The following ZFHX3 variants were observed in gnomAD, a reference collection of about 807,000 sequenced individuals.
The protein encoded by ZFHX3 is zinc finger homeobox protein 3.
Under a neutral mutation model 279.1 loss-of-function variants are expected in ZFHX3, and 42 were observed. The ratio of observed to expected loss-of-function variants is 0.15; its 90% confidence interval spans 0.12 to 0.19. The LOEUF (loss-of-function observed/expected upper bound fraction) is 0.19. Among genes scored for constraint, ZFHX3 ranks in the 10% least tolerant of loss-of-function variants. The pLI is 1.00. For synonymous variants in ZFHX3, 2,293 were observed against 1,957.8 expected (o/e 1.17, Z -4.52); for missense variants, 4,981 against 4,754.0 (o/e 1.05, Z -1.40).
intron 3 of ZFHX3, among the ~76,000 whole-genome samples, chr16:72,926,776 G>A (rs746981098): frequency 1.1e-4 from 16 of 152,176 alleles, no homozygotes; most frequent in Admixed American, 4.6e-4. Flanking sequence ...CCTACACAAA[G>A]CAGAGACCAA....
intron 5 of ZFHX3, among the ~76,000 whole-genome samples, chr16:73,184,431 G>A (rs888410397): frequency 1.3e-5 from 2 of 152,224 alleles, no homozygotes; most frequent in South Asian, 2.1e-4. Flanking sequence ...AGGTGAGGAT[G>A]AGCCAGTAAA....
chr16:73,821,179 C>G (rs771083934), intron 1 of ZFHX3, among the ~76,000 whole-genome samples: 28 of 152,154 alleles, frequency 1.8e-4, no homozygotes, highest in Non-Finnish European at 4.0e-4. Flanking sequence ...AGAGATAAAT[C>G]TGTAAAATGT....
chr16:73,529,592 G>T (rs909684469), intron 2 of ZFHX3, among the ~76,000 whole-genome samples: 1 of 152,166 alleles, frequency 6.6e-6, no homozygotes, highest in Non-Finnish European at 1.5e-5. Flanking sequence ...CTACTCTCTG[G>T]CCAGTGCCCC....
intron 3 of ZFHX3, among the ~76,000 whole-genome samples, chr16:73,396,469 C>G (rs2017131986): frequency 6.6e-6 from 1 of 151,968 alleles, no homozygotes; most frequent in Non-Finnish European, 1.5e-5. Flanking sequence ...GTGTGTTAGT[C>G]TGTTTTCACA....
chr16:73,615,711 G>A (rs1021541747), intron 2 of ZFHX3, among the ~76,000 whole-genome samples: 2 of 152,182 alleles, frequency 1.3e-5, no homozygotes, highest in African/African-American at 4.8e-5. Flanking sequence ...TATATTTGCA[G>A]AGACGTAATT....
chr16:73,716,708 C>T (rs560125354), intron 1 of ZFHX3, among the ~76,000 whole-genome samples: 74 of 152,100 alleles, frequency 4.9e-4, no homozygotes, highest in Admixed American at 1.0e-3. Context: ...CCGGTCCGAG[C>T]GTGCAGGGCC....
intron 2 of ZFHX3, among the ~76,000 whole-genome samples, chr16:73,540,016 G>A (rs2019983289): frequency 6.6e-6 from 1 of 152,320 alleles, no homozygotes; most frequent in South Asian, 2.1e-4. Flanking sequence ...TTCCAAATAT[G>A]ATCGCTGTTA....
intron 8 of ZFHX3, among the ~76,000 whole-genome samples, chr16:73,077,910 T>C (rs956944996): frequency 5.3e-5 from 8 of 152,226 alleles, no homozygotes; most frequent in Admixed American, 2.6e-4. Context: ...GTTCAAGTGA[T>C]TCTCCTGCCT....
intron 4 of ZFHX3, among the ~76,000 whole-genome samples, chr16:72,851,555 T>C (rs1243873049): frequency 6.6e-6 from 1 of 151,892 alleles, no homozygotes; most frequent in Non-Finnish European, 1.5e-5. Flanking sequence ...TTGATTCCAA[T>C]TTCACTTTTT....
chr16:73,678,294 C>T (rs1417074817), intron 2 of ZFHX3, among the ~76,000 whole-genome samples: 1 of 152,050 alleles, frequency 6.6e-6, no homozygotes, highest in Non-Finnish European at 1.5e-5. Flanking sequence ...GATGTTCAAG[C>T]CCTATTGGTT....
intron 7 of ZFHX3, among the ~76,000 whole-genome samples, chr16:73,101,098 T>G (rs1329660380): frequency 6.6e-6 from 1 of 151,954 alleles, no homozygotes; most frequent in African/African-American, 2.4e-5. Context: ...CAGCTCTGAG[T>G]CCCGCTTGCC....
At chr16:73,422,197 ATTTT>A (rs34462342) in intron 3 of ZFHX3, among the ~76,000 whole-genome samples, 2 of 144,574 alleles carry the variant, frequency 1.4e-5, no homozygotes, top group African/African-American at 5.1e-5. Flanking sequence ...TTTTCAGAAG[ATTTT>A]TTTTTTTTTT....
intron 4 of ZFHX3, among the ~76,000 whole-genome samples, chr16:72,867,865 A>G (rs904735842): frequency 3.9e-5 from 6 of 152,328 alleles, no homozygotes; most frequent in East Asian, 1.9e-4. Context: ...GTTCTCACCA[A>G]TCACTGAAAA....
At chr16:72,990,589 AC>A (rs1308606144) in intron 1 of ZFHX3, among the ~76,000 whole-genome samples, 1 of 152,184 alleles carries the variant, frequency 6.6e-6, no homozygotes, top group Non-Finnish European at 1.5e-5. Context: ...GGAGCTGAGC[AC>A]CCTCTTCTTT....
At chr16:72,980,001 G>C (rs1460609296) in intron 1 of ZFHX3, among the ~76,000 whole-genome samples, 1 of 152,188 alleles carries the variant, frequency 6.6e-6, no homozygotes, top group Non-Finnish European at 1.5e-5. Context: ...GATAAGACTA[G>C]GTGCAAGTAG....
intron 4 of ZFHX3, among the ~76,000 whole-genome samples, chr16:72,872,919 G>C (rs1791749095): frequency 6.6e-6 from 1 of 152,184 alleles, no homozygotes; most frequent in African/African-American, 2.4e-5. Flanking sequence ...AGGCAGAATG[G>C]CCTGCTCATT....
At chr16:73,730,352 CA>C (rs66477968) in intron 1 of ZFHX3, among the ~76,000 whole-genome samples, 40,067 of 81,224 alleles carry the variant, frequency 0.49, 7,398 homozygotes, top group Middle Eastern at 0.55. Context: ...CCTCCCCTCG[CA>C]AAAAAAAAAA....
intron 3 of ZFHX3, among the ~76,000 whole-genome samples, chr16:73,354,457 C>T (rs1597298123): frequency 6.6e-6 from 1 of 152,220 alleles, no homozygotes; most frequent in Non-Finnish European, 1.5e-5. Context: ...TGTACGATGA[C>T]TGCCCAGCTC....
intron 1 of ZFHX3, among the ~76,000 whole-genome samples, chr16:73,688,924 T>C (rs977930554): frequency 6.6e-6 from 1 of 152,160 alleles, no homozygotes; most frequent in African/African-American, 2.4e-5. Flanking sequence ...CCTTTCACCT[T>C]CCACCATGAT....
Sources: allele counts gnomAD v4.1 joint callset (sites outside exome capture counted in the v4.1 genomes callset), GRCh38; gene constraint gnomAD v4.1.1; transcripts MANE v1.5; gene names NCBI Gene and HGNC (gene_info 2026-07-23, HGNC 2026-07-21).